Variants in FXYD6 observed in about 807,000 individuals in gnomAD.
FXYD6 encodes FXYD domain-containing ion transport regulator 6.
FXYD6 carries 7 observed loss-of-function variants against 16.7 expected under a neutral mutation model. The ratio of observed to expected loss-of-function variants is 0.42; its 90% CI spans 0.24 to 0.79. The LOEUF (loss-of-function observed/expected upper bound fraction) is 0.79. Among genes scored for constraint, FXYD6 ranks in the 30% least tolerant of loss-of-function variants. The pLI is 0.28. For missense variants in FXYD6, 111 were observed against 116.2 expected (o/e 0.95, Z 0.21); for synonymous variants, 49 against 43.0 (o/e 1.14, Z -0.54).
At chr11:117,858,637 TTC>T (rs768706152) in intron 1 of FXYD6, among the ~76,000 whole-genome samples, 2 of 20,594 alleles carry the variant, frequency 9.7e-5, no homozygotes, top group East Asian at 3.6e-3. Context: ...TCTTTTTTCT[TTC>T]TTTCTTTCTT....
At chr11:117,841,687 C>G in intron 4 of FXYD6, 104 bp downstream of exon 4, 2 of 1,350,580 alleles carry the variant, frequency 1.5e-6, no homozygotes, top group Non-Finnish European at 1.1e-6. Context: ...AGGCAGCCTC[C>G]TTTCCTCTCC....
At chr11:117,839,943 A>C in intron 6 of FXYD6, 113 bp from the exon 7 acceptor site, 1 of 1,395,342 alleles carries the variant, frequency 7.2e-7, no homozygotes. Context: ...GGTGACGGGC[A>C]TGGGATTTCG....
chr11:117,841,461 C>A (rs1213991064), intron 4 of FXYD6: 3 of 588,030 alleles, frequency 5.1e-6, no homozygotes, highest in African/African-American at 1.9e-5. Context: ...ACAACAAACT[C>A]GGAGGCACAT....
chr11:117,854,035 A>G (rs1443326771), intron 1 of FXYD6, among the ~76,000 whole-genome samples: 2 of 152,182 alleles, frequency 1.3e-5, no homozygotes. Flanking sequence ...TGCTATCTGT[A>G]AAACACCTCC....
chr11:117,867,328 G>A (rs1056089256), intron 1 of FXYD6, among the ~76,000 whole-genome samples: 1 of 152,176 alleles, frequency 6.6e-6, no homozygotes, highest in Admixed American at 6.5e-5. Context: ...AGTTTCCGGG[G>A]CTTCCTCTCT....
In FXYD6 at chr11:117,842,794, G is replaced by T; in HGVS notation, c.-5-13C>A. 1 of 1,555,556 alleles carries T rather than the reference G, an allele frequency of 6.4e-7. No homozygotes were observed. ...AACTCCATGGCGTCTGGGGACAGAG[G>T]GAGGAAAAAATGATTCTCTGGCTAA... On this transcript the variant is annotated splice_polypyrimidine_tract_variant and intron_variant, in intron 1 of 7. Transcript: ENST00000526014.
intron 1 of FXYD6, among the ~76,000 whole-genome samples, chr11:117,862,253 A>G (rs2056923747): frequency 2.0e-5 from 3 of 152,180 alleles, no homozygotes; most frequent in Admixed American, 2.0e-4. Context: ...GGCTGCTGAG[A>G]GAAGAGAATT....
chr11:117,859,888 C>T (rs373677201), intron 1 of FXYD6, among the ~76,000 whole-genome samples: 5 of 152,196 alleles, frequency 3.3e-5, no homozygotes, highest in Non-Finnish European at 1.5e-5. Context: ...CTCAGATCCA[C>T]GCTACAGCAA....
chr11:117,859,105 G>A (rs998794290), intron 1 of FXYD6, among the ~76,000 whole-genome samples: 7 of 142,972 alleles, frequency 4.9e-5, no homozygotes, highest in Non-Finnish European at 9.3e-5. Context: ...CCCCTTCTGG[G>A]AGGCTGCTCG....
chr11:117,875,899 C>G (rs779136725), intron 1 of FXYD6, among the ~76,000 whole-genome samples: 7 of 152,166 alleles, frequency 4.6e-5, no homozygotes, highest in Non-Finnish European at 7.3e-5. Context: ...CACGGAAGCC[C>G]GGGAGACACA....
At chr11:117,851,459 C>T (rs930752173) in intron 1 of FXYD6, among the ~76,000 whole-genome samples, 6 of 152,204 alleles carry the variant, frequency 3.9e-5, no homozygotes, top group East Asian at 1.9e-4. Context: ...ACAGATCTTC[C>T]GGCTTCATGA....
chr11:117,871,975 C>A (rs1419148674), intron 1 of FXYD6, among the ~76,000 whole-genome samples: 1 of 152,186 alleles, frequency 6.6e-6, no homozygotes, highest in African/African-American at 2.4e-5. Context: ...GGAGAAGGTG[C>A]CTGCAGAGGT....
chr11:117,861,545 C>G (rs538837783), intron 1 of FXYD6, among the ~76,000 whole-genome samples: 1 of 152,224 alleles, frequency 6.6e-6, no homozygotes, highest in Admixed American at 6.5e-5. Flanking sequence ...TGAAAAGAGA[C>G]GGCCTGTGGA....
intron 1 of FXYD6, among the ~76,000 whole-genome samples, chr11:117,860,140 G>A (rs2056871704): frequency 6.6e-6 from 1 of 152,196 alleles, no homozygotes; most frequent in Non-Finnish European, 1.5e-5. Flanking sequence ...CTGGCTGTTG[G>A]TGGAGGGCAG....
intron 7 of FXYD6, chr11:117,839,435 C>G (rs11216577): frequency 3.1e-6 from 1 of 327,238 alleles, no homozygotes; most frequent in African/African-American, 2.1e-5. Flanking sequence ...TGAGTCACCA[C>G]GGAAAGCCAT....
In FXYD6 at chr11:117,842,018, C is replaced by T. The variant is rs201148530; in HGVS notation, c.69G>A (p.Lys23=). 1.5e-5 allele frequency: 25 copies of T among 1,614,186 alleles called. No individual in the cohort carries two copies. The highest frequency in any genetic ancestry group is 1.5e-4 in the Admixed American group (9 of 60,030). Reference sequence around the variant, plus strand: ...AATGAAAAGGGTCCATTTCCTTCTCCTTTTCAGCTGCTGCAAAAACAAACA... The same window carrying T: ...AATGAAAAGGGTCCATTTCCTTCTCTTTTTCAGCTGCTGCAAAAACAAACA... ...APMVLASAAE[K]EKEMDPFHYD... Residue 23 remains lysine (K), a synonymous_variant, in exon 3 of 8, where the codon AAG becomes AAA. Coordinates refer to ENST00000526014, the MANE Select transcript of FXYD6 (RefSeq NM_022003.4).
intron 1 of FXYD6, among the ~76,000 whole-genome samples, chr11:117,854,656 A>G (rs1439146655): frequency 6.6e-6 from 1 of 152,234 alleles, no homozygotes; most frequent in East Asian, 1.9e-4. Context: ...ATGCAACAAT[A>G]GTCCAGAAAG....
intron 1 of FXYD6, among the ~76,000 whole-genome samples, chr11:117,851,283 C>A (rs1591565453): frequency 1.0e-5 from 1 of 97,398 alleles, no homozygotes; most frequent in African/African-American, 2.7e-5. Context: ...CTCTTGTGTG[C>A]TCTCTCTCTC....
chr11:117,841,518 C>T, intron 4 of FXYD6: 1 of 589,224 alleles, frequency 1.7e-6, no homozygotes, highest in Non-Finnish European at 3.0e-6. Flanking sequence ...CGTGACTGCC[C>T]CATTCATGCC....
Sources: gnomAD v4.1 joint callset for allele counts (sites outside exome capture counted in the v4.1 genomes callset) on GRCh38, gnomAD v4.1.1 for gene constraint, MANE v1.5 for transcripts, NCBI Gene and HGNC (gene_info 2026-07-23, HGNC 2026-07-21) for gene names.